CLSPN: variants seen among roughly 807,000 people sequenced by gnomAD.
The protein encoded by CLSPN is claspin homolog.
Under a neutral mutation model 156.3 loss-of-function variants are expected in CLSPN, and 85 were observed. That is an observed-to-expected ratio of 0.54 (90% CI 0.46 to 0.65). The LOEUF is 0.65. Among genes scored for constraint, CLSPN ranks in the 30% least tolerant of loss-of-function variants. The probability of loss-of-function intolerance (pLI) is 0.00; values close to 1 mark genes in which losing one functional copy is unlikely to be tolerated. For synonymous variants in CLSPN, 534 were observed against 542.4 expected (o/e 0.98, Z 0.22); for missense variants, 1,407 against 1,554.9 (o/e 0.90, Z 1.60).
At chr1:35,754,041 C>T in intron 8 of CLSPN, 105 bp from the exon 9 acceptor site, 1 of 973,344 alleles carries the variant, frequency 1.0e-6, no homozygotes, top group Non-Finnish European at 1.5e-6. Context: ...TGAGGGAAAC[C>T]ACACATACAC....
At chr1:35,721,680 G>A (rs988667585) in intron 24 of CLSPN, among the ~76,000 whole-genome samples, 1 of 151,902 alleles carries the variant, frequency 6.6e-6, no homozygotes, top group African/African-American at 2.4e-5. Context: ...GAGCCACTGT[G>A]CCTGGCCGAT....
At chr1:35,725,986 C>T (rs972254188) in intron 24 of CLSPN, among the ~76,000 whole-genome samples, 1 of 151,820 alleles carries the variant, frequency 6.6e-6, no homozygotes, top group African/African-American at 2.4e-5. Context: ...CTCAAGCTTG[C>T]CCTTCCTCTT....
At position 35,736,714 on chromosome 1, in the gene CLSPN, AAAAG is replaced by A. The variant is rs906572894; in HGVS notation, c.3910-112_3910-109del. 6.2e-6 allele frequency: 9 copies of A among 1,448,376 alleles called. No homozygotes were observed. The South Asian group carries it at 7.5e-5, about 12-fold the overall frequency. The allele number at this position is 1,448,376 out of a possible 1,614,324, so 89.7% of individuals were successfully genotyped here. On this transcript the variant is annotated intron_variant, in intron 24 of 24. Transcript: ENST00000318121. ...AATTGTGGATGATTAACAACAGAAAAAAAGAAAGAAAGATAAACTTTCTCGGCAA... is the reference window on the plus strand; with the variant it reads ...AATTGTGGATGATTAACAACAGAAAAAAAGAAAGATAAACTTTCTCGGCAA...
Position 35,748,525 on chromosome 1 carries a change from T to C in CLSPN, c.2352A>G (p.Pro784=). Reference sequence around the variant, plus strand: ...TTTGTCTGTTGCAAGGCTGATAGGATGGAATCGTGGAGCCAATCAGCTCAA... The same window carrying C: ...TTTGTCTGTTGCAAGGCTGATAGGACGGAATCGTGGAGCCAATCAGCTCAA... The part of the protein sequence containing the change: ...SSFELIGSTI[P]SYQPCNRQTG... Residue 784 remains proline, a synonymous_variant, in exon 13 of 25, where the codon CCA becomes CCG. Coordinates refer to ENST00000318121, the MANE Select transcript of CLSPN (RefSeq NM_022111.4). 2 of 1,614,142 alleles carry C rather than the reference T, an allele frequency of 1.2e-6. No individual in the cohort carries two copies. Among genetic ancestry groups the C allele is most frequent in the East Asian group, 2.2e-5 (1 of 44,870 alleles).
chr1:35,761,878 C>A, intron 6 of CLSPN, 120 bp downstream of exon 6: 1 of 666,970 alleles, frequency 1.5e-6, no homozygotes, highest in Non-Finnish European at 2.6e-6. Flanking sequence ...CAATTCTAAA[C>A]TTAATATTAT....
At chr1:35,761,919 A>C in intron 6 of CLSPN, 79 bp downstream of exon 6, 1 of 958,482 alleles carries the variant, frequency 1.0e-6, no homozygotes, top group South Asian at 1.4e-5. Flanking sequence ...GTGTTAAAAA[A>C]ATAAAAGTCC....
Position 35,733,859 on chromosome 1 carries a change from G to A in CLSPN, c.*2637C>T. 1.9e-6 allele frequency: 1 copy of A among 519,670 alleles called. No individual in the cohort carries two copies. The highest frequency in any genetic ancestry group is 2.5e-6 in the Non-Finnish European group (1 of 404,840). 32.2% of individuals were successfully genotyped at this position (519,670 alleles called of 1,614,324 possible). ...GGGCATGGTGGCATATGCCTGTAAT[G>A]TGGCCCAGCTATTCCAAAGGTTGAG... On this transcript the variant is annotated 3_prime_UTR_variant, in exon 25 of 25. Coordinates refer to ENST00000318121, the MANE Select transcript of CLSPN (RefSeq NM_022111.4).
chr1:35,768,972 T>G (rs543603203), intron 1 of CLSPN, among the ~76,000 whole-genome samples: 12 of 152,092 alleles, frequency 7.9e-5, no homozygotes, highest in Non-Finnish European at 1.6e-4. Flanking sequence ...GCTCATGAGG[T>G]AAATAATATG....
At position 35,735,887 on chromosome 1, in the gene CLSPN, T is replaced by C. The variant is rs1641452078; in HGVS notation, c.*609A>G. 1 of 985,252 alleles carries C rather than the reference T, an allele frequency of 1.0e-6. No homozygotes were observed. Among genetic ancestry groups the C allele is most frequent in the African/African-American group, 1.7e-5 (1 of 57,296 alleles). The allele number at this position is 985,252 out of a possible 1,614,324, so 61.0% of individuals were successfully genotyped here. ...ACAAAGAGATATTAACCCAGAAAGC[T>C]GCTACAATAAAATGTCAAATGTCTA... On this transcript the variant is annotated 3_prime_UTR_variant, in exon 25 of 25. Coordinates refer to ENST00000318121, the MANE Select transcript of CLSPN (RefSeq NM_022111.4).
intron 3 of CLSPN, 94 bp from the exon 4 acceptor site, chr1:35,763,415 C>T: frequency 2.3e-6 from 2 of 888,460 alleles, no homozygotes; most frequent in Non-Finnish European, 3.3e-6. Context: ...CCAGAAAAAG[C>T]CCATGTTTCA....
intron 8 of CLSPN, among the ~76,000 whole-genome samples, chr1:35,759,831 T>A (rs1368625098): frequency 2.1e-5 from 3 of 141,800 alleles, no homozygotes; most frequent in African/African-American, 7.9e-5. Flanking sequence ...TCAACAACCT[T>A]TTTTTTTTTT....
At chr1:35,738,387 T>A in intron 21 of CLSPN, 68 bp downstream of exon 21, 1 of 1,513,764 alleles carries the variant, frequency 6.6e-7, no homozygotes, top group South Asian at 1.2e-5. Context: ...CAAGCTAAGA[T>A]TTTGAAACTA....
rs754902867 is a variant in CLSPN at position 35,746,874 on chromosome 1, T to G, written c.2746A>C (p.Thr916Pro). The G allele has an allele frequency of 6.2e-7, 1 of 1,613,994 alleles. No individual in the cohort carries two copies. The highest frequency in any genetic ancestry group is 8.5e-7 in the Non-Finnish European group (1 of 1,179,850). ...TCAGCCTGAGATGTGAACTTTCCAG[T>G]ACACAAATCCAACAGCTCATCCATG... ...ANMDELLDLC[T>P]GKFTSQAEKH... is the part of the protein sequence containing the mutation. Residue 916 changes from threonine (T) to proline (P), a missense_variant, in exon 15 of 25, where the codon ACT (threonine) becomes CCT (proline). Around this residue, in one of 3 missense-constraint regions of CLSPN, gnomAD observed 1,096 missense variants for 1,193.0 expected, o/e 0.92. Transcript: ENST00000318121. This position sits in a 1 kb window ranked among gnomAD's most constrained non-coding sequence, Gnocchi z 4.2.
Position 35,725,564 on chromosome 1 carries a change from C to T in CLSPN, c.3910-4584G>A, listed in dbSNP as rs146702434. 3.5e-4 allele frequency among the ~76,000 whole-genome samples: 53 copies of T among 152,228 alleles called. 1 individual carries two copies. The highest frequency in any genetic ancestry group is 3.4e-3 in the Middle Eastern group (1 of 294). ...CCGCCCACCTCTCCTCCACCCACCC[C>T]ATTCATCAGTAGGAGGGCACTGTAT... On this transcript the variant is annotated intron_variant, in intron 24 of 24. Coordinates refer to the CLSPN transcript ENST00000251195.
chr1:35,750,953 T>C (rs978266982), intron 10 of CLSPN, among the ~76,000 whole-genome samples: 1 of 151,850 alleles, frequency 6.6e-6, no homozygotes, highest in African/African-American at 2.4e-5. Flanking sequence ...TACAAAGCCA[T>C]TTTTAATATT....
chr1:35,736,822 T>C (rs748141863), intron 24 of CLSPN, 92 bp downstream of exon 24: 41 of 1,436,658 alleles, frequency 2.9e-5, no homozygotes, highest in Non-Finnish European at 3.5e-5. Context: ...CATTGCAGCA[T>C]AGAGGTTAAG....
At chr1:35,729,092 G>A (rs962219323), downstream of CLSPN, among the ~76,000 whole-genome samples, 4 of 152,000 alleles carry the variant, frequency 2.6e-5, no homozygotes, top group Non-Finnish European at 5.9e-5. Context: ...GATAAATAAC[G>A]TAAGTTAAAT....
chr1:35,742,034 G>C (rs560290181), intron 18 of CLSPN, among the ~76,000 whole-genome samples: 1 of 131,408 alleles, frequency 7.6e-6, no homozygotes, highest in Non-Finnish European at 1.6e-5. Flanking sequence ...TGTAATCCCA[G>C]ACTTTGGGAA....
intron 9 of CLSPN, 91 bp downstream of exon 9, chr1:35,753,654 A>G (rs1642174429): frequency 3.2e-6 from 4 of 1,258,664 alleles, no homozygotes; most frequent in Non-Finnish European, 4.6e-6. Context: ...AAAAGATTCT[A>G]TAACTTTTCA....
Sources: allele counts gnomAD v4.1 joint callset (sites outside exome capture counted in the v4.1 genomes callset), GRCh38; gene constraint gnomAD v4.1.1; regional missense constraint gnomAD v4.1.1; non-coding constraint Gnocchi (gnomAD v3.1); transcripts MANE v1.5; gene names NCBI Gene and HGNC (gene_info 2026-07-23, HGNC 2026-07-21).